The following KCNE3 variants were observed in gnomAD, a reference collection of about 807,000 sequenced individuals.
KCNE3 encodes potassium voltage-gated channel subfamily E member 3.
A neutral mutation model predicts 4.3 loss-of-function variants in KCNE3; 2 were observed. The ratio of observed to expected loss-of-function variants is 0.47; its 90% CI spans 0.19 to 1.48. KCNE3 has a LOEUF of 1.48. KCNE3 is among the 40% of genes most tolerant of loss of function. KCNE3 has a pLI of 0.25. For missense variants in KCNE3, 128 were observed against 136.8 expected (o/e 0.94, Z 0.32); for synonymous variants, 47 against 52.0 (o/e 0.90, Z 0.41).
intron 1 of KCNE3, among the ~76,000 whole-genome samples, chr11:74,465,343 G>A (rs1328318547): frequency 2.0e-5 from 3 of 152,042 alleles, no homozygotes; most frequent in African/African-American, 7.3e-5. Context: ...CAACCTCCAG[G>A]GCAGGGCAAA....
At chr11:74,459,455 G>A in intron 2 of KCNE3, among the ~76,000 whole-genome samples, 1 of 151,670 alleles carries the variant, frequency 6.6e-6, no homozygotes, top group South Asian at 2.1e-4. Flanking sequence ...GTAGAGACAG[G>A]GTTTCACCAT....
chr11:74,460,264 G>A (rs898466085), intron 2 of KCNE3, among the ~76,000 whole-genome samples: 1 of 152,182 alleles, frequency 6.6e-6, no homozygotes, highest in African/African-American at 2.4e-5. Context: ...CCATGTGTCA[G>A]GCAAGAACTC....
intron 2 of KCNE3, among the ~76,000 whole-genome samples, chr11:74,461,412 C>T (rs769798824): frequency 6.6e-6 from 1 of 151,914 alleles, no homozygotes; most frequent in Non-Finnish European, 1.5e-5. Context: ...CAGTGGGTCA[C>T]CTGAGGTCAG....
At chr11:74,465,035 C>T (rs1252670425) in intron 1 of KCNE3, among the ~76,000 whole-genome samples, 2 of 152,188 alleles carry the variant, frequency 1.3e-5, no homozygotes, top group Non-Finnish European at 2.9e-5. Context: ...GTTAGTCTCT[C>T]CCTCTTGTTT....
chr11:74,460,936 G>A (rs1215839657), intron 2 of KCNE3, among the ~76,000 whole-genome samples: 2 of 152,150 alleles, frequency 1.3e-5, no homozygotes, highest in East Asian at 3.9e-4. Flanking sequence ...AATTGGGGCA[G>A]AGAGGATAAC....
intron 2 of KCNE3, among the ~76,000 whole-genome samples, chr11:74,460,463 T>G (rs555694617): frequency 1.6e-4 from 24 of 152,362 alleles, no homozygotes; most frequent in African/African-American, 5.8e-4. Flanking sequence ...AGCAAAGAGC[T>G]ACTAAGGCTG....
At chr11:74,466,545 G>A (rs1864061835) in intron 1 of KCNE3, among the ~76,000 whole-genome samples, 1 of 152,208 alleles carries the variant, frequency 6.6e-6, no homozygotes, top group Non-Finnish European at 1.5e-5. Flanking sequence ...ATTCTGTTTG[G>A]TCTCTGTTGT....
chr11:74,465,017 C>T (rs1292893844), intron 1 of KCNE3, among the ~76,000 whole-genome samples: 1 of 152,176 alleles, frequency 6.6e-6, no homozygotes, highest in Non-Finnish European at 1.5e-5. Flanking sequence ...TTCCTCACTC[C>T]CTAGCCAGTT....
chr11:74,462,568 A>G (rs917086975), intron 1 of KCNE3, among the ~76,000 whole-genome samples: 3 of 152,262 alleles, frequency 2.0e-5, no homozygotes, highest in Non-Finnish European at 4.4e-5. Context: ...CACCCAATCT[A>G]TTCAGATAGA....
At position 74,465,064 on chromosome 11, in the gene KCNE3, C is replaced by T. The variant is rs1864031192; in HGVS notation, c.-190+2334G>A. Reference sequence around the variant, plus strand: ...CTTGTTTTTTCCCAAAAGTGCTTTGCACGAAGGCTTATTAGAGCACTATAC... The same window carrying T: ...CTTGTTTTTTCCCAAAAGTGCTTTGTACGAAGGCTTATTAGAGCACTATAC... On this transcript the variant is annotated intron_variant, in intron 1 of 2. Coordinates refer to ENST00000310128, the MANE Select transcript of KCNE3 (RefSeq NM_005472.5). 2.0e-5 allele frequency among the ~76,000 whole-genome samples: 3 copies of T among 152,054 alleles called. No homozygotes were observed. The South Asian group carries it at 6.2e-4, about 32-fold the overall frequency.
chr11:74,456,269 T>G lies in KCNE3; in HGVS notation c.*983A>C, dbSNP rs1591221775. 7.0e-6 allele frequency: 1 copy of G among 142,296 alleles called. No homozygotes were observed. The highest frequency in any genetic ancestry group is 1.5e-5 in the Non-Finnish European group (1 of 65,710). 8.8% of individuals were successfully genotyped at this position (142,296 alleles called of 1,614,324 possible). On this transcript the variant is annotated 3_prime_UTR_variant, in exon 3 of 3. Transcript: ENST00000310128. ...ATTGCTTGAACCCGGGAGGTGGGGG[T>G]TGCAGTGAGCCAAGATTGGGTTGCT...
chr11:74,466,256 C>T (rs1037357029), intron 1 of KCNE3, among the ~76,000 whole-genome samples: 4 of 152,174 alleles, frequency 2.6e-5, no homozygotes, highest in Admixed American at 6.5e-5. Context: ...TGTCTTGCTT[C>T]CCTCTTAGAA....
chr11:74,460,296 G>A (rs1440200200), intron 2 of KCNE3, among the ~76,000 whole-genome samples: 1 of 152,204 alleles, frequency 6.6e-6, no homozygotes, highest in Admixed American at 6.5e-5. Flanking sequence ...CTTCCCTCGT[G>A]TGGGCCAATA....
chr11:74,460,882 C>G (rs923762677), intron 2 of KCNE3, among the ~76,000 whole-genome samples: 1 of 152,280 alleles, frequency 6.6e-6, no homozygotes, highest in African/African-American at 2.4e-5. Context: ...GTGAGCCCAG[C>G]TACCAGAGTC....
At position 74,458,705 on chromosome 11, in the gene KCNE3, C is replaced by T. The variant is rs143991143; in HGVS notation, c.-40-1102G>A. 6.6e-3 allele frequency among the ~76,000 whole-genome samples: 1,007 copies of T among 151,884 alleles called. 8 individuals are homozygous for T. Among genetic ancestry groups the T allele is most frequent in the African/African-American group, 0.023 (934 of 41,392 alleles). On this transcript the variant is annotated intron_variant, in intron 2 of 2. Coordinates refer to ENST00000310128, the MANE Select transcript of KCNE3 (RefSeq NM_005472.5). ...AAAATTAGCTGGGCGTGGTGGTGAG[C>T]GCTTGGTAATCCCAGCTACTTGGGA...
chr11:74,457,280 T>C lies in KCNE3; in HGVS notation c.284A>G (p.Tyr95Cys), dbSNP rs771943960. 51 of 1,613,936 alleles carry C rather than the reference T, an allele frequency of 3.2e-5. No homozygotes were observed. The highest frequency in any genetic ancestry group is 4.2e-5 in the Non-Finnish European group (50 of 1,180,022). Residue 95 changes from tyrosine (Y) to cysteine (C), a missense_variant, in exon 3 of 3, where the codon TAT becomes TGT. Tyr to Cys is a radical substitution (Grantham distance 194). Coordinates refer to ENST00000310128, the MANE Select transcript of KCNE3 (RefSeq NM_005472.5). ...GATCATAGACACACGGTTCTTGATA[T>C]ACACATGATAGGGGTCACTACGCTT... is the stretch of plus-strand genomic sequence containing the variant. Reference protein sequence around the residue: ...VDKRSDPYHVYIKNRVSMI With the variant: ...VDKRSDPYHVCIKNRVSMI
chr11:74,466,551 G>C (rs1167533413), intron 1 of KCNE3, among the ~76,000 whole-genome samples: 2 of 152,212 alleles, frequency 1.3e-5, no homozygotes, highest in African/African-American at 2.4e-5. Flanking sequence ...TTTGGTCTCT[G>C]TTGTAACCTT....
chr11:74,466,410 C>T (rs1864057925), intron 1 of KCNE3, among the ~76,000 whole-genome samples: 1 of 152,202 alleles, frequency 6.6e-6, no homozygotes, highest in Non-Finnish European at 1.5e-5. Context: ...ATGGGTCTTC[C>T]TCCATCAGGA....
chr11:74,460,629 G>A (rs545841808), intron 2 of KCNE3, among the ~76,000 whole-genome samples: 1 of 152,334 alleles, frequency 6.6e-6, no homozygotes. Flanking sequence ...TTAGAAGAAT[G>A]GAAAGTAGCA....
Sources: gnomAD v4.1 joint callset for allele counts (sites outside exome capture counted in the v4.1 genomes callset) on GRCh38, gnomAD v4.1.1 for gene constraint, MANE v1.5 for transcripts, NCBI Gene and HGNC (gene_info 2026-07-23, HGNC 2026-07-21) for gene names.